The following FPR3 variants were observed in gnomAD, a reference collection of about 807,000 sequenced individuals.
The protein encoded by FPR3 is formyl peptide receptor 3.
For missense variants in FPR3, 346 were observed against 443.2 expected (o/e 0.78, Z 1.97); for synonymous variants, 135 against 163.6 (o/e 0.83, Z 1.34).
intron 1 of FPR3, chr19:51,817,877 C>G (rs1403055465): frequency 6.6e-6 from 1 of 152,148 alleles, no homozygotes; most frequent in Non-Finnish European, 1.5e-5. Context: ...TGTTGGAATG[C>G]CTGCTGTATG....
At chr19:51,821,490 A>G (rs7252487) in intron 1 of FPR3, among the ~76,000 whole-genome samples, 63,955 of 151,956 alleles carry the variant, frequency 0.42, 13,500 homozygotes, top group South Asian at 0.53. Flanking sequence ...AAAGAATTAC[A>G]CAGCCCCAAT....
chr19:51,822,679 C>A (rs946320919), intron 1 of FPR3, among the ~76,000 whole-genome samples: 1 of 152,176 alleles, frequency 6.6e-6, no homozygotes, highest in Non-Finnish European at 1.5e-5. Flanking sequence ...AGTGAATAGT[C>A]TCTGATAAGA....
intron 1 of FPR3, among the ~76,000 whole-genome samples, chr19:51,807,005 C>A (rs2084063529): frequency 6.6e-6 from 1 of 152,230 alleles, no homozygotes; most frequent in Non-Finnish European, 1.5e-5. Flanking sequence ...CATTTAAAGT[C>A]TGTAACCTGT....
chr19:51,811,594 T>G (rs2084096908), intron 1 of FPR3: 2 of 152,228 alleles, frequency 1.3e-5, no homozygotes, highest in Admixed American at 1.3e-4. Context: ...GACTGTCGCC[T>G]GTTTGAGTGC....
At chr19:51,801,029 C>T (rs1465461277) in intron 1 of FPR3, among the ~76,000 whole-genome samples, 1 of 152,008 alleles carries the variant, frequency 6.6e-6, no homozygotes, top group Non-Finnish European at 1.5e-5. Flanking sequence ...TTACTCTTAT[C>T]AACTAGGACA....
rs1021734435 is a variant in FPR3, at chr19:51,826,087, G to A, written c.*1277G>A. 6.3e-6 allele frequency: 1 copy of A among 157,532 alleles called. No individual in the cohort carries two copies. The highest frequency in any genetic ancestry group is 2.4e-5 in the African/African-American group (1 of 41,412). 9.8% of individuals were successfully genotyped at this position (157,532 alleles called of 1,614,324 possible). ...ATGCAGTTTCTGTAAATATTAACGT[G>A]ATCATATTATTTTTATTCTTTCATT... is the stretch of plus-strand genomic sequence containing the variant. On this transcript the variant is annotated 3_prime_UTR_variant, in exon 2 of 2. Coordinates refer to ENST00000339223, the MANE Select transcript of FPR3 (RefSeq NM_002030.5).
At chr19:51,802,281 T>C (rs2084030304) in intron 1 of FPR3, among the ~76,000 whole-genome samples, 1 of 152,056 alleles carries the variant, frequency 6.6e-6, no homozygotes, top group Non-Finnish European at 1.5e-5. Context: ...CCTCAGCTCT[T>C]CAGCCCAGAC....
intron 1 of FPR3, among the ~76,000 whole-genome samples, chr19:51,801,996 T>C (rs891115869): frequency 3.9e-5 from 6 of 152,174 alleles, no homozygotes; most frequent in Non-Finnish European, 7.3e-5. Flanking sequence ...AAATTAAAAT[T>C]AAAGTAAGCT....
At chr19:51,820,977 T>G (rs1315286502) in intron 1 of FPR3, among the ~76,000 whole-genome samples, 2 of 152,206 alleles carry the variant, frequency 1.3e-5, no homozygotes, top group Non-Finnish European at 2.9e-5. Flanking sequence ...TGTTCATAAG[T>G]AGTAGCCACT....
Position 51,823,921 on chromosome 19 carries a change from C to T in FPR3, c.173C>T (p.Thr58Ile), listed in dbSNP as rs2084210378. Residue 58 changes from threonine (T) to isoleucine (I), a missense_variant, in exon 2 of 2, where the codon ACA becomes ATA. By Grantham distance (89) the Thr-to-Ile change is moderately conservative (BLOSUM62 -1). Coordinates refer to ENST00000339223, the MANE Select transcript of FPR3 (RefSeq NM_002030.5). ...IWVAGFRMTR[T>I]VNTICYLNLA... ...GTGGCTGGATTCCGGATGACACGCA[C>T]AGTCAACACCATCTGTTACCTGAAC... 3 of 1,614,002 alleles carry T rather than the reference C, an allele frequency of 1.9e-6. No individual in the cohort carries two copies. Among genetic ancestry groups the T allele is most frequent in the Middle Eastern group, 1.6e-4 (1 of 6,082 alleles).
chr19:51,806,211 T>G (rs972268921), intron 1 of FPR3, among the ~76,000 whole-genome samples: 2 of 152,172 alleles, frequency 1.3e-5, no homozygotes, highest in East Asian at 3.9e-4. Context: ...CCGGAGGGAC[T>G]GGGCCCATGG....
At chr19:51,821,500 T>C (rs1005108392) in intron 1 of FPR3, among the ~76,000 whole-genome samples, 1 of 152,112 alleles carries the variant, frequency 6.6e-6, no homozygotes, top group Non-Finnish European at 1.5e-5. Flanking sequence ...ACAGCCCCAA[T>C]TGTCTGTAGT....
intron 1 of FPR3, among the ~76,000 whole-genome samples, chr19:51,799,198 T>C (rs2084015876): frequency 6.6e-6 from 1 of 152,158 alleles, no homozygotes; most frequent in African/African-American, 2.4e-5. Context: ...CCTGTCCTCT[T>C]GCTCCTCTGA....
chr19:51,811,498 T>A (rs1010227098), intron 1 of FPR3: 1 of 152,244 alleles, frequency 6.6e-6, no homozygotes, highest in African/African-American at 2.4e-5. Context: ...AGCTGACTCA[T>A]CCCAGGGTCC....
At chr19:51,796,074 G>C (rs1396791460) in intron 1 of FPR3, among the ~76,000 whole-genome samples, 1 of 152,220 alleles carries the variant, frequency 6.6e-6, no homozygotes, top group Non-Finnish European at 1.5e-5. Flanking sequence ...AAGGAGAAAA[G>C]TATCTGGTGA....
chr19:51,802,741 G>A (rs2084032615), intron 1 of FPR3, among the ~76,000 whole-genome samples: 1 of 152,004 alleles, frequency 6.6e-6, no homozygotes, highest in Non-Finnish European at 1.5e-5. Context: ...GACTGTTGAA[G>A]GTGTCTTCTA....
intron 1 of FPR3, among the ~76,000 whole-genome samples, chr19:51,822,341 C>T (rs1048786775): frequency 1.3e-5 from 2 of 152,110 alleles, no homozygotes; most frequent in African/African-American, 4.8e-5. Context: ...AAGATATGCC[C>T]GCAAAGATGG....
At chr19:51,818,708 C>G (rs1038245537) in intron 1 of FPR3, among the ~76,000 whole-genome samples, 3 of 152,136 alleles carry the variant, frequency 2.0e-5, no homozygotes, top group African/African-American at 7.2e-5. Context: ...TGGCAAGAAG[C>G]TGGCATGGTC....
chr19:51,799,340 G>A (rs941271523), intron 1 of FPR3, among the ~76,000 whole-genome samples: 4 of 152,182 alleles, frequency 2.6e-5, no homozygotes, highest in African/African-American at 9.6e-5. Flanking sequence ...GCCCGAAAGC[G>A]ACCTGGGCAG....
Sources: allele counts gnomAD v4.1 joint callset (sites outside exome capture counted in the v4.1 genomes callset), GRCh38; gene constraint gnomAD v4.1.1; transcripts MANE v1.5; gene names NCBI Gene and HGNC (gene_info 2026-07-23, HGNC 2026-07-21).